CSMD3: variants seen among roughly 807,000 people sequenced by gnomAD.
CSMD3 encodes CUB and Sushi multiple domains 3, also known as CUB and sushi domain-containing protein 3.
A neutral mutation model predicts 435.2 loss-of-function variants in CSMD3; 177 were observed. The ratio of observed to expected loss-of-function variants is 0.41; its 90% CI spans 0.36 to 0.46. The LOEUF is 0.46. Among genes scored for constraint, CSMD3 ranks in the 20% least tolerant of loss-of-function variants. The probability of loss-of-function intolerance (pLI) is 0.34; values close to 1 mark genes in which losing one functional copy is unlikely to be tolerated. For synonymous variants in CSMD3, 1,656 were observed against 1,520.5 expected (o/e 1.09, Z -2.07); for missense variants, 4,265 against 4,504.6 (o/e 0.95, Z 1.52).
intron 14 of CSMD3, among the ~76,000 whole-genome samples, chr8:112,687,627 C>G (rs1199634179): frequency 6.6e-6 from 1 of 152,014 alleles, no homozygotes; most frequent in Non-Finnish European, 1.5e-5. Flanking sequence ...ATCATTTTAT[C>G]ATTCAAAAAT....
intron 2 of CSMD3, among the ~76,000 whole-genome samples, chr8:113,288,210 A>G (rs1468912047): frequency 6.6e-6 from 1 of 151,858 alleles, no homozygotes; most frequent in Non-Finnish European, 1.5e-5. Context: ...TTTCCTCTAT[A>G]TAAATAAAAA....
chr8:113,334,280 T>TTG (rs1168423823), intron 1 of CSMD3, among the ~76,000 whole-genome samples: 1 of 89,510 alleles, frequency 1.1e-5, no homozygotes, highest in Non-Finnish European at 2.7e-5. Context: ...AGTTTAAGTT[T>TTG]TTTTTTTTTT....
At chr8:112,533,304 A>C (rs1013380543) in intron 27 of CSMD3, among the ~76,000 whole-genome samples, 5 of 152,026 alleles carry the variant, frequency 3.3e-5, no homozygotes, top group African/African-American at 4.8e-5. Context: ...AAATTGACTC[A>C]ATTTTCAATT....
At chr8:113,018,045 C>T (rs1009636094) in intron 6 of CSMD3, among the ~76,000 whole-genome samples, 5 of 151,888 alleles carry the variant, frequency 3.3e-5, no homozygotes, top group Non-Finnish European at 2.9e-5. Context: ...AGATTTTCTA[C>T]GTGGACTTTG....
chr8:113,124,023 A>T (rs1444385622), intron 4 of CSMD3, among the ~76,000 whole-genome samples: 1 of 151,980 alleles, frequency 6.6e-6, no homozygotes, highest in Non-Finnish European at 1.5e-5. Context: ...CTCATTATCC[A>T]AGAGAAATAT....
rs1479648536 is a variant in CSMD3, at chr8:113,041,265, T to C, written c.918-22086A>G. 6.7e-5 allele frequency among the ~76,000 whole-genome samples: 10 copies of C among 149,346 alleles called. No homozygotes were observed. In the East Asian group the frequency reaches 2.0e-3, roughly 29 times the overall value. ...AGTTTTGAGAAATTTTCTCCAACAA[T>C]GGAATGTGTGGGTCCTACCTTGTAC... On this transcript the variant is annotated intron_variant, in intron 5 of 70. Transcript: ENST00000297405.
At chr8:113,394,191 C>CA (rs1001708484) in intron 1 of CSMD3, among the ~76,000 whole-genome samples, 1 of 150,788 alleles carries the variant, frequency 6.6e-6, no homozygotes, top group South Asian at 2.1e-4. Flanking sequence ...CACACACACA[C>CA]AAGGGGTTTA....
intron 38 of CSMD3, among the ~76,000 whole-genome samples, chr8:112,376,764 T>C (rs543567633): frequency 1.3e-5 from 2 of 152,316 alleles, no homozygotes; most frequent in East Asian, 3.9e-4. Context: ...GCTATGTCCA[T>C]TTATTCATTT....
chr8:113,367,727 T>A (rs2094321535), intron 1 of CSMD3, among the ~76,000 whole-genome samples: 1 of 152,072 alleles, frequency 6.6e-6, no homozygotes, highest in South Asian at 2.1e-4. Flanking sequence ...TGTTATTTTC[T>A]GTGTTTGGAA....
chr8:113,117,438 T>A (rs1346922705), intron 4 of CSMD3, among the ~76,000 whole-genome samples: 1 of 152,212 alleles, frequency 6.6e-6, no homozygotes, highest in African/African-American at 2.4e-5. Flanking sequence ...AACACCTGGA[T>A]GTCCAGGCAG....
chr8:113,428,414 A>G (rs2094649920), intron 1 of CSMD3, among the ~76,000 whole-genome samples: 1 of 151,702 alleles, frequency 6.6e-6, no homozygotes, highest in African/African-American at 2.4e-5. Context: ...TTATGAATCT[A>G]TTATCCTTTC....
At chr8:113,174,062 C>T (rs893816180) in intron 3 of CSMD3, 146 bp from the exon 4 acceptor site, 2 of 666,208 alleles carry the variant, frequency 3.0e-6, no homozygotes, top group Admixed American at 2.5e-5. Flanking sequence ...TATTCCAATA[C>T]ATGTGACAGT....
intron 23 of CSMD3, among the ~76,000 whole-genome samples, chr8:112,576,883 TA>T (rs33983420): frequency 0.051 from 7,612 of 150,624 alleles, 247 homozygotes; most frequent in African/African-American, 0.095. Context: ...TAAGACACAT[TA>T]AAAAAATAAT....
At chr8:112,445,165 C>T (rs769105737) in intron 32 of CSMD3, among the ~76,000 whole-genome samples, 13 of 152,040 alleles carry the variant, frequency 8.6e-5, no homozygotes, top group Admixed American at 2.0e-4. Flanking sequence ...ATCCCTTGAA[C>T]CTGGGAGACG....
intron 36 of CSMD3, 121 bp from the exon 37 acceptor site, chr8:112,383,784 A>G (rs973243055): frequency 1.1e-5 from 8 of 725,828 alleles, no homozygotes; most frequent in African/African-American, 8.8e-5. Context: ...GTGACCCTTC[A>G]TAGAAGGGTT....
At position 113,127,602 on chromosome 8, in the gene CSMD3, G is replaced by A. The variant is rs77191354; in HGVS notation, c.710-28639C>T. On this transcript the variant is annotated intron_variant, in intron 4 of 70. Coordinates refer to ENST00000297405, the MANE Select transcript of CSMD3 (RefSeq NM_198123.2). ...TATGCCAACTTCTCCACATCACCAG[G>A]TTTACTCCTTTCACCTAGGCTTTCA... Among the ~76,000 whole-genome samples, 788 of 151,894 alleles carry A rather than the reference G, an allele frequency of 5.2e-3. 11 individuals are homozygous for A. The highest frequency in any genetic ancestry group is 0.018 in the African/African-American group (761 of 41,456).
rs1397040663 is a variant in CSMD3 at position 112,234,395 on chromosome 8, C to T, written c.10710G>A (p.Met3570Ile). ...CATCCATTGCCCAATTTTCTTCCTT[C>T]ATTTTCTTCACAGAAGCATGAGCAG... ...KVPAHASVKK[M>I]KEENWAMDGF... is the part of the protein sequence containing the mutation. The change falls in exon 68 of 71, where the codon ATG becomes ATA. Residue 3570 changes from methionine (M) to isoleucine (I), a missense_variant. Transcript: ENST00000297405. The T allele has an allele frequency of 6.2e-7, 1 of 1,612,746 alleles. No homozygotes were observed. Among genetic ancestry groups the T allele is most frequent in the South Asian group, 1.1e-5 (1 of 91,046 alleles).
At chr8:113,362,057 A>T (rs1387896923) in intron 1 of CSMD3, among the ~76,000 whole-genome samples, 1 of 152,298 alleles carries the variant, frequency 6.6e-6, no homozygotes, top group Non-Finnish European at 1.5e-5. Flanking sequence ...ATTTCTCTAA[A>T]TCATCTGGGA....
intron 22 of CSMD3, among the ~76,000 whole-genome samples, chr8:112,635,337 G>C (rs2074627503): frequency 6.6e-6 from 1 of 151,998 alleles, no homozygotes. Context: ...TGAGAAAAGT[G>C]AATTGGCCAA....
Sources: allele counts gnomAD v4.1 joint callset (sites outside exome capture counted in the v4.1 genomes callset), GRCh38; gene constraint gnomAD v4.1.1; transcripts MANE v1.5; gene names NCBI Gene and HGNC (gene_info 2026-07-23, HGNC 2026-07-21).